ADAMTS17: variants seen among roughly 807,000 people sequenced by gnomAD.
ADAMTS17 encodes ADAM metallopeptidase with thrombospondin type 1 motif 17.
In ADAMTS17, 113 loss-of-function variants were observed where a neutral mutation model predicts 141.5. The observed-to-expected ratio is 0.80, with a 90% CI of 0.69 to 0.93. The LOEUF (loss-of-function observed/expected upper bound fraction) is 0.93, where lower values mean the gene tolerates loss of function less well. Among genes scored for constraint, ADAMTS17 ranks in the 40% least tolerant of loss-of-function variants. The pLI, the probability that ADAMTS17 is intolerant of heterozygous loss-of-function variation, is 0.00. For synonymous variants in ADAMTS17, 768 were observed against 630.6 expected, an observed-to-expected ratio of 1.22 and a Z score of -3.27; for missense variants, 1,659 against 1,517.9, an observed-to-expected ratio of 1.09 and a Z score of -1.54.
intron 8 of ADAMTS17, among the ~76,000 whole-genome samples, chr15:100,171,608 G>A (rs113984943): frequency 5.5e-4 from 83 of 152,252 alleles, no homozygotes; most frequent in African/African-American, 1.9e-3. Flanking sequence ...TCCTGCAGCA[G>A]CCCCAGTCCT....
At chr15:100,212,257 T>C (rs746755297) in intron 7 of ADAMTS17, among the ~76,000 whole-genome samples, 2 of 152,134 alleles carry the variant, frequency 1.3e-5, no homozygotes, top group Non-Finnish European at 2.9e-5. Flanking sequence ...AGATCCCCTG[T>C]AACCGCAGCA....
chr15:100,008,731 T>C (rs2061092113), intron 18 of ADAMTS17, among the ~76,000 whole-genome samples: 1 of 152,216 alleles, frequency 6.6e-6, no homozygotes, highest in Admixed American at 6.5e-5. Flanking sequence ...TTCTCATTTA[T>C]TGTCTGCCCT....
rs1313807972 is a variant in ADAMTS17 at position 99,972,794 on chromosome 15, C to T, written c.*1608G>A. On this transcript the variant is annotated 3_prime_UTR_variant, in exon 22 of 22. Coordinates refer to ENST00000268070, the MANE Select transcript of ADAMTS17 (RefSeq NM_139057.4). Reference sequence around the variant, plus strand: ...GCCTCTAGGGTAGTAAAAACAAAAACACAGCTCGTAAGACAGGGTGGAGAA... The same window carrying T: ...GCCTCTAGGGTAGTAAAAACAAAAATACAGCTCGTAAGACAGGGTGGAGAA... 1.3e-5 allele frequency: 2 copies of T among 152,188 alleles called. No individual in the cohort carries two copies. Among genetic ancestry groups the T allele is most frequent in the Non-Finnish European group, 2.9e-5 (2 of 68,036 alleles). 9.4% of individuals were successfully genotyped at this position (152,188 alleles called of 1,614,324 possible).
At chr15:100,120,623 G>T (rs774937220) in intron 12 of ADAMTS17, among the ~76,000 whole-genome samples, 3 of 152,172 alleles carry the variant, frequency 2.0e-5, no homozygotes, top group Non-Finnish European at 4.4e-5. Context: ...ACCAGCAATG[G>T]CTAGGAAAAG....
intron 15 of ADAMTS17, among the ~76,000 whole-genome samples, chr15:100,092,607 G>GC (rs1301256764): frequency 6.6e-6 from 1 of 152,036 alleles, no homozygotes. Context: ...GTGAATTTCC[G>GC]CCCCCACGAG....
At chr15:100,012,192 C>G (rs2061199049) in intron 18 of ADAMTS17, among the ~76,000 whole-genome samples, 2 of 152,174 alleles carry the variant, frequency 1.3e-5, no homozygotes, top group Non-Finnish European at 2.9e-5. Flanking sequence ...TGTATATCTT[C>G]TTTTGAGAAC....
intron 3 of ADAMTS17, among the ~76,000 whole-genome samples, chr15:100,289,781 T>C (rs1377166633): frequency 7.2e-5 from 11 of 152,146 alleles, no homozygotes; most frequent in African/African-American, 1.9e-4. Context: ...ATCATCTCAA[T>C]AGATGCAGAA....
At chr15:100,274,827 A>G (rs2044025336) in intron 4 of ADAMTS17, among the ~76,000 whole-genome samples, 1 of 147,574 alleles carries the variant, frequency 6.8e-6, no homozygotes, top group Non-Finnish European at 1.5e-5. Flanking sequence ...TTTTTTTGGT[A>G]GTGAAACTTT....
At chr15:100,066,212 C>T (rs940310483) in intron 15 of ADAMTS17, among the ~76,000 whole-genome samples, 1 of 152,084 alleles carries the variant, frequency 6.6e-6, no homozygotes, top group Non-Finnish European at 1.5e-5. Flanking sequence ...TTTTTGAATA[C>T]TTAGTGTGCT....
At chr15:100,330,623 C>G (rs2046021979) in intron 3 of ADAMTS17, among the ~76,000 whole-genome samples, 1 of 152,154 alleles carries the variant, frequency 6.6e-6, no homozygotes, top group South Asian at 2.1e-4. Context: ...TTTTGGACCT[C>G]AACTTGCTCT....
rs192938868 is a variant in ADAMTS17 at position 100,188,304 on chromosome 15, T to C, written c.1181+11014A>G. Among the ~76,000 whole-genome samples the C allele has an allele frequency of 1.7e-3, 258 of 152,014 alleles. 1 individual carries two copies. Among genetic ancestry groups the C allele is most frequent in the African/African-American group, 5.6e-3 (233 of 41,462 alleles). ...GTTGGTCAGGCTGGTCTCAAACTCC[T>C]GACCTCAGGTGATCTGCCCGCCTCA... On this transcript the variant is annotated intron_variant, in intron 8 of 21. Coordinates refer to ENST00000268070, the MANE Select transcript of ADAMTS17 (RefSeq NM_139057.4).
chr15:99,996,845 G>A (rs1464993139), intron 19 of ADAMTS17, among the ~76,000 whole-genome samples: 1 of 152,022 alleles, frequency 6.6e-6, no homozygotes, highest in Non-Finnish European at 1.5e-5. Flanking sequence ...CCTGAAGGAT[G>A]ACATCACCAG....
intron 20 of ADAMTS17, among the ~76,000 whole-genome samples, chr15:99,989,163 C>T (rs28433005): frequency 0.093 from 14,161 of 152,150 alleles, 2,003 homozygotes; most frequent in African/African-American, 0.31. Flanking sequence ...GGGCGAGTCA[C>T]GGAACTGCTC....
intron 8 of ADAMTS17, among the ~76,000 whole-genome samples, chr15:100,176,760 C>G (rs1449901086): frequency 6.6e-6 from 1 of 152,174 alleles, no homozygotes; most frequent in Non-Finnish European, 1.5e-5. Flanking sequence ...CCTTTTATGA[C>G]CATAACCACC....
intron 3 of ADAMTS17, among the ~76,000 whole-genome samples, chr15:100,299,684 A>T (rs2044959288): frequency 1.3e-5 from 2 of 152,180 alleles, no homozygotes; most frequent in South Asian, 4.1e-4. Context: ...GTTTCTTTTG[A>T]CAGATGGTCT....
chr15:100,254,432 G>C (rs1024829017), intron 6 of ADAMTS17, among the ~76,000 whole-genome samples: 3 of 152,112 alleles, frequency 2.0e-5, no homozygotes, highest in Non-Finnish European at 4.4e-5. Context: ...TTGCTGGAAG[G>C]ACTCCTTTCA....
intron 18 of ADAMTS17, among the ~76,000 whole-genome samples, chr15:100,004,730 G>A (rs991764107): frequency 2.5e-4 from 37 of 150,652 alleles, no homozygotes; most frequent in African/African-American, 8.6e-4. Context: ...AAGGGATTCT[G>A]GTGCCTCAGC....
chr15:100,203,817 T>C (rs1355489094), intron 7 of ADAMTS17, among the ~76,000 whole-genome samples: 1 of 151,938 alleles, frequency 6.6e-6, no homozygotes, highest in Non-Finnish European at 1.5e-5. Context: ...GAGAATCACT[T>C]GAACGCGGGA....
intron 3 of ADAMTS17, among the ~76,000 whole-genome samples, chr15:100,319,123 T>C (rs1318541742): frequency 1.3e-5 from 2 of 152,232 alleles, no homozygotes; most frequent in African/African-American, 4.8e-5. Context: ...TTTTCCATAA[T>C]GCAGGGCATA....
Sources: gnomAD v4.1 joint callset for allele counts (sites outside exome capture counted in the v4.1 genomes callset) on GRCh38, gnomAD v4.1.1 for gene constraint, MANE v1.5 for transcripts, NCBI Gene and HGNC (gene_info 2026-07-23, HGNC 2026-07-21) for gene names.